ORC4: variants seen among roughly 807,000 people sequenced by gnomAD.
ORC4 encodes the protein origin recognition complex, subunit 4 homolog.
In ORC4, 55 loss-of-function variants were observed where a neutral mutation model predicts 63.9. The observed-to-expected ratio is 0.86, with a 90% CI of 0.69 to 1.08. ORC4 has a LOEUF of 1.08. Among genes scored for constraint, ORC4 ranks in the 50% least tolerant of loss-of-function variants. ORC4 has a pLI of 0.00. For missense variants in ORC4, 511 were observed against 504.4 expected (o/e 1.01, Z -0.13); for synonymous variants, 150 against 168.5 (o/e 0.89, Z 0.85).
chr2:147,994,834 G>A (rs957777246), intron 1 of ORC4, among the ~76,000 whole-genome samples: 5 of 152,190 alleles, frequency 3.3e-5, no homozygotes, highest in African/African-American at 9.7e-5. Context: ...AAACCAGCCC[G>A]ACCAACATGG....
intron 10 of ORC4, among the ~76,000 whole-genome samples, chr2:147,939,898 G>T (rs1320852071): frequency 6.6e-6 from 1 of 151,884 alleles, no homozygotes; most frequent in Non-Finnish European, 1.5e-5. Context: ...GGTCATTTAG[G>T]GTTACAAGAT....
intron 4 of ORC4, among the ~76,000 whole-genome samples, chr2:147,967,066 T>A (rs1689935030): frequency 6.6e-6 from 1 of 151,772 alleles, no homozygotes; most frequent in Non-Finnish European, 1.5e-5. Flanking sequence ...ATACACCACA[T>A]CAATAGAATG....
At chr2:147,948,990 A>G (rs2105288367) in intron 8 of ORC4, among the ~76,000 whole-genome samples, 1 of 148,074 alleles carries the variant, frequency 6.8e-6, no homozygotes, top group East Asian at 1.9e-4. Flanking sequence ...ATATTATAGT[A>G]CACAGCATAT....
chr2:147,952,643 A>C (rs969649091), intron 7 of ORC4, 119 bp from the exon 8 acceptor site: 10 of 778,054 alleles, frequency 1.3e-5, no homozygotes, highest in African/African-American at 1.2e-4. Context: ...CTGATAGCCT[A>C]CTTTGGGTAG....
intron 1 of ORC4, among the ~76,000 whole-genome samples, chr2:147,980,710 AGAT>A (rs1690831236): frequency 6.6e-6 from 1 of 152,220 alleles, no homozygotes; most frequent in South Asian, 2.1e-4. Flanking sequence ...AAAAGGCAAA[AGAT>A]GATGAGTGTT....
chr2:147,950,470 T>C (rs561587322), intron 8 of ORC4, among the ~76,000 whole-genome samples: 1 of 152,254 alleles, frequency 6.6e-6, no homozygotes, highest in South Asian at 2.1e-4. Context: ...GATACACAGA[T>C]AAAATTATAC....
At chr2:147,953,747 T>A (rs911978674) in intron 7 of ORC4, among the ~76,000 whole-genome samples, 1 of 152,204 alleles carries the variant, frequency 6.6e-6, no homozygotes, top group East Asian at 1.9e-4. Flanking sequence ...GAAACAACTT[T>A]AGTAAAAGAA....
At chr2:148,004,356 C>T (rs373225191) in intron 1 of ORC4, among the ~76,000 whole-genome samples, 11 of 152,288 alleles carry the variant, frequency 7.2e-5, no homozygotes, top group African/African-American at 2.6e-4. Flanking sequence ...TACCTGACTT[C>T]AAACTATACT....
chr2:147,938,580 G>GT, intron 11 of ORC4, 187 bp from the exon 12 acceptor site: 2 of 552,958 alleles, frequency 3.6e-6, no homozygotes, highest in Non-Finnish European at 6.4e-6. Flanking sequence ...CCTGAGCTTA[G>GT]TTTTTTTCCT....
At chr2:147,938,247 A>C in intron 12 of ORC4, 34 bp from the exon 13 acceptor site, 1 of 1,597,066 alleles carries the variant, frequency 6.3e-7, no homozygotes. Flanking sequence ...TTATACCTTC[A>C]AATAAGCAGT....
intron 9 of ORC4, 84 bp from the exon 10 acceptor site, chr2:147,943,606 G>T: frequency 1.3e-6 from 1 of 752,814 alleles, no homozygotes; most frequent in South Asian, 1.5e-5. Context: ...TTACTGGTTG[G>T]TGTACCTTAG....
intron 1 of ORC4, among the ~76,000 whole-genome samples, chr2:147,995,663 T>A (rs1691918657): frequency 6.6e-6 from 1 of 151,654 alleles, no homozygotes; most frequent in Non-Finnish European, 1.5e-5. Flanking sequence ...ACGCGCCACC[T>A]TTAAGAGCTG....
At chr2:148,018,490 A>G (rs1015492462) in intron 1 of ORC4, among the ~76,000 whole-genome samples, 1 of 152,244 alleles carries the variant, frequency 6.6e-6, no homozygotes, top group African/African-American at 2.4e-5. Flanking sequence ...AGCATTGTTC[A>G]TAACTACTAA....
At chr2:147,995,866 A>G (rs1288733112) in intron 1 of ORC4, among the ~76,000 whole-genome samples, 2 of 152,132 alleles carry the variant, frequency 1.3e-5, no homozygotes, top group African/African-American at 4.8e-5. Flanking sequence ...GAAGAACCCA[A>G]TGGAAGGAAT....
intron 1 of ORC4, among the ~76,000 whole-genome samples, chr2:148,016,934 A>G (rs997454270): frequency 6.6e-6 from 1 of 152,232 alleles, no homozygotes; most frequent in African/African-American, 2.4e-5. Flanking sequence ...CAAATCTGTA[A>G]TATCCCCCAA....
rs1689699444 is a variant in ORC4, at chr2:147,963,140, G to A, written c.226-4274C>T. Among the ~76,000 whole-genome samples, 3 of 152,302 alleles carry A rather than the reference G, an allele frequency of 2.0e-5. No individual in the cohort carries two copies. The South Asian group carries it at 6.2e-4, about 32-fold the overall frequency. On this transcript the variant is annotated intron_variant, in intron 4 of 13. Transcript: ENST00000392857. ...TCAGACATGCCCCAGGACCAGCCAAGCAATCATGTGCCCACGTCGCTAACC... is the reference window on the plus strand; with the variant it reads ...TCAGACATGCCCCAGGACCAGCCAAACAATCATGTGCCCACGTCGCTAACC...
At chr2:147,991,152 A>G (rs1035593765) in intron 1 of ORC4, among the ~76,000 whole-genome samples, 4 of 150,886 alleles carry the variant, frequency 2.7e-5, no homozygotes, top group East Asian at 3.9e-4. Flanking sequence ...GGTTCAAGCG[A>G]TTCTCCTGCC....
intron 9 of ORC4, among the ~76,000 whole-genome samples, chr2:147,944,626 A>G (rs1312432853): frequency 6.6e-6 from 1 of 151,826 alleles, no homozygotes; most frequent in Non-Finnish European, 1.5e-5. Flanking sequence ...CAGAAGTAGC[A>G]GAGCCAAGAA....
chr2:148,003,439 G>A (rs1243646051), intron 1 of ORC4, among the ~76,000 whole-genome samples: 5 of 152,116 alleles, frequency 3.3e-5, no homozygotes, highest in Non-Finnish European at 5.9e-5. Flanking sequence ...TCATCCCTGG[G>A]ATGCAAGGCT....
Sources: allele counts gnomAD v4.1 joint callset (sites outside exome capture counted in the v4.1 genomes callset), GRCh38; gene constraint gnomAD v4.1.1; transcripts MANE v1.5; gene names NCBI Gene and HGNC (gene_info 2026-07-23, HGNC 2026-07-21).